The following RPS6KA5 variants were observed in gnomAD, a reference collection of about 807,000 sequenced individuals.
The protein encoded by RPS6KA5 is ribosomal protein S6 kinase A5.
In RPS6KA5, 27 loss-of-function variants were observed where a neutral mutation model predicts 85.5. The observed-to-expected ratio is 0.32, with a 90% CI of 0.23 to 0.44. The LOEUF (loss-of-function observed/expected upper bound fraction) is 0.44, where lower values mean the gene tolerates loss of function less well. Among genes scored for constraint, RPS6KA5 ranks in the 20% least tolerant of loss-of-function variants. The pLI, the probability that RPS6KA5 is intolerant of heterozygous loss-of-function variation, is 1.00. For missense variants in RPS6KA5, 811 were observed against 980.9 expected (o/e 0.83, Z 2.31); for synonymous variants, 334 against 348.2 (o/e 0.96, Z 0.46).
Position 90,943,144 on chromosome 14 carries a change from T to C in RPS6KA5, c.552A>G (p.Leu184=), listed in dbSNP as rs761646046. 4.3e-6 allele frequency: 7 copies of C among 1,611,944 alleles called. No homozygotes were observed. The highest frequency in any genetic ancestry group is 2.2e-5 in the South Asian group (2 of 90,912). The stretch of plus-strand genomic sequence containing the variant: ...GCACCACATGGCCATTAGAATCAAG[T>C]AGAATATTCTCAAGCTTAATATCAC... ...IYRDIKLENI[L]LDSNGHVVLT... Residue 184 remains leucine (L), a synonymous_variant, in exon 5 of 17, where the codon CTA becomes CTG. Coordinates refer to ENST00000614987, the MANE Select transcript of RPS6KA5 (RefSeq NM_004755.4).
At chr14:91,032,787 GA>G (rs34722618) in intron 1 of RPS6KA5, among the ~76,000 whole-genome samples, 93,224 of 148,532 alleles carry the variant, frequency 0.63, 29,105 homozygotes, top group East Asian at 0.87. Context: ...AGAATTCATA[GA>G]AAAAAAAAAA....
At chr14:90,927,915 T>TTC (rs1311271864) in intron 5 of RPS6KA5, among the ~76,000 whole-genome samples, 55 of 127,348 alleles carry the variant, frequency 4.3e-4, no homozygotes, top group Middle Eastern at 4.0e-3. Context: ...TATGTCTTTT[T>TTC]TCTCTTTCTT....
chr14:90,895,662 G>T (rs1044139109), intron 12 of RPS6KA5, among the ~76,000 whole-genome samples: 2 of 152,204 alleles, frequency 1.3e-5, no homozygotes, highest in African/African-American at 4.8e-5. Context: ...AGGGTGAGAG[G>T]ACTGCTTGAG....
At chr14:90,923,927 C>T (rs558700812) in intron 5 of RPS6KA5, among the ~76,000 whole-genome samples, 1 of 152,022 alleles carries the variant, frequency 6.6e-6, no homozygotes, top group Non-Finnish European at 1.5e-5. Flanking sequence ...TTACGTAGCT[C>T]ATTTATTATC....
intron 13 of RPS6KA5, 34 bp from the exon 14 acceptor site, chr14:90,890,712 C>A: frequency 6.4e-7 from 1 of 1,558,656 alleles, no homozygotes; most frequent in Non-Finnish European, 8.8e-7. Context: ...TAGTTTCTCA[C>A]TAGGCATGTC....
chr14:90,889,122 C>A (rs1174628160), intron 14 of RPS6KA5, among the ~76,000 whole-genome samples: 1 of 151,894 alleles, frequency 6.6e-6, no homozygotes, highest in Non-Finnish European at 1.5e-5. Context: ...GGTAAAACCT[C>A]GTCTCTACTA....
rs60988228 is a variant in RPS6KA5 at position 90,944,967 on chromosome 14, A to C, written c.511-1782T>G. Among the ~76,000 whole-genome samples, 1,209 of 150,392 alleles carry C rather than the reference A, an allele frequency of 8.0e-3. 11 individuals carry two copies. The highest frequency in any genetic ancestry group is 0.028 in the African/African-American group (1,137 of 40,798). On this transcript the variant is annotated intron_variant, in intron 4 of 16. Transcript: ENST00000614987. ...TTTTTTTAAAAGAACAGAATAAAAAACGGACAAGTGTGGGTGGCCCATGCC... is the reference window on the plus strand; with the variant it reads ...TTTTTTTAAAAGAACAGAATAAAAACCGGACAAGTGTGGGTGGCCCATGCC...
intron 1 of RPS6KA5, among the ~76,000 whole-genome samples, chr14:91,040,396 G>C (rs375586466): frequency 6.6e-6 from 1 of 152,086 alleles, no homozygotes; most frequent in South Asian, 2.1e-4. Context: ...CAACAAGAGC[G>C]AAAGTCCGCC....
rs765224867 is a variant in RPS6KA5, at chr14:91,060,383, C to G, written c.52G>C (p.Gly18Arg). Residue 18 changes from glycine to arginine, a missense_variant, in exon 1 of 17, where the codon GGC becomes CGC. Physicochemically the swap from Gly to Arg is moderately radical, Grantham distance 125. Around this residue, in one of 3 missense-constraint regions of RPS6KA5, gnomAD observed 113 missense variants for 100.0 expected, o/e 1.13. Transcript: ENST00000614987. ...AGGAGCTGCTCTCCTCCGTCGCCGC[C>G]GTCCGCGCTGGTCCCCGCGGCGCCG... ...SGGAAGTSAD[G>R]GDGGEQLLTV... The G allele has an allele frequency of 6.7e-5, 101 of 1,508,874 alleles. No individual in the cohort carries two copies. The highest frequency in any genetic ancestry group is 8.1e-5 in the Non-Finnish European group (91 of 1,123,100). 93.5% of individuals were successfully genotyped at this position (1,508,874 alleles called of 1,614,324 possible).
In RPS6KA5 at chr14:90,859,390, C is replaced by T. The variant is rs2032433269; in HGVS notation, c.*12684G>A. The T allele has an allele frequency of 1.3e-5, 2 of 152,096 alleles. No homozygotes were observed. The highest frequency in any genetic ancestry group is 1.3e-4 in the Admixed American group (2 of 15,276). 9.4% of individuals were successfully genotyped at this position (152,096 alleles called of 1,614,324 possible). A position where few individuals can be genotyped will look rare whatever the true frequency, so the allele number is the denominator to read the frequency against. On this transcript the variant is annotated 3_prime_UTR_variant, in exon 17 of 17. Coordinates refer to ENST00000614987, the MANE Select transcript of RPS6KA5 (RefSeq NM_004755.4). ...ACTGACAACAGACAATGGAAACAAA[C>T]AACTAGTAGTAGTAATCAGACACTG...
chr14:90,946,779 AC>A (rs2037891922), intron 4 of RPS6KA5, among the ~76,000 whole-genome samples: 1 of 152,346 alleles, frequency 6.6e-6, no homozygotes, highest in South Asian at 2.1e-4. Flanking sequence ...ATTAAGTAAA[AC>A]AAAAAACCGA....
chr14:91,050,047 G>A (rs1022652735), intron 1 of RPS6KA5, among the ~76,000 whole-genome samples: 1 of 152,152 alleles, frequency 6.6e-6, no homozygotes, highest in Non-Finnish European at 1.5e-5. Context: ...AGTATAAAAA[G>A]GAGAGCTGCA....
At chr14:91,028,754 G>A (rs549918006) in intron 1 of RPS6KA5, among the ~76,000 whole-genome samples, 1 of 151,818 alleles carries the variant, frequency 6.6e-6, no homozygotes, top group Non-Finnish European at 1.5e-5. Context: ...TCCTGACCTC[G>A]TGATCTGCCC....
chr14:91,044,351 GAA>G (rs2042740151), intron 1 of RPS6KA5, among the ~76,000 whole-genome samples: 8 of 34,812 alleles, frequency 2.3e-4, no homozygotes, highest in African/African-American at 3.4e-4. Context: ...AAGAAAGAAA[GAA>G]AGAAAGAAAG....
Position 90,906,129 on chromosome 14 carries a change from T to G in RPS6KA5, c.957+20A>C. 1 of 1,579,536 alleles carries G rather than the reference T, an allele frequency of 6.3e-7. No individual in the cohort carries two copies. Among genetic ancestry groups the G allele is most frequent in the Non-Finnish European group, 8.7e-7 (1 of 1,155,276 alleles). On this transcript the variant is annotated intron_variant, in intron 8 of 16. Coordinates refer to ENST00000614987, the MANE Select transcript of RPS6KA5 (RefSeq NM_004755.4). ...AAACGGCAAGGAGTATGAAACCATTTATCTATTCAATAATTTCACCTGAAA... is the reference window on the plus strand; with the variant it reads ...AAACGGCAAGGAGTATGAAACCATTGATCTATTCAATAATTTCACCTGAAA...
chr14:90,875,891 G>A (rs1416440697), intron 14 of RPS6KA5, among the ~76,000 whole-genome samples: 4 of 132,526 alleles, frequency 3.0e-5, no homozygotes. Flanking sequence ...ATCACACACC[G>A]GGGACTGTTG....
At position 91,060,344 on chromosome 14, in the gene RPS6KA5, C is replaced by G; in HGVS notation, c.91G>C (p.Glu31Gln). 7.0e-7 allele frequency: 1 copy of G among 1,420,620 alleles called. No homozygotes were observed. The highest frequency in any genetic ancestry group is 9.3e-7 in the Non-Finnish European group (1 of 1,076,720). 88.0% of individuals were successfully genotyped at this position (1,420,620 alleles called of 1,614,324 possible). A position where few individuals can be genotyped will look rare whatever the true frequency, so the allele number is the denominator to read the frequency against. The change falls in exon 1 of 17, where the codon GAG becomes CAG. Residue 31 changes from glutamate to glutamine, a missense_variant. Glu to Gln is a conservative substitution (Grantham distance 29, BLOSUM62 2). Transcript: ENST00000614987. ...CGGGGTCGCTCACCAGTCCGCAGCT[C>G]GTGCTTGACAGTGAGGAGCTGCTCT... ...GGEQLLTVKHELRTANLTGHA... is the reference protein window; with the variant it reads ...GGEQLLTVKHQLRTANLTGHA...
Position 90,902,771 on chromosome 14 carries a change from T to C in RPS6KA5, c.1119+37A>G, listed in dbSNP as rs1333892640. On this transcript the variant is annotated intron_variant, in intron 9 of 16. Coordinates refer to ENST00000614987, the MANE Select transcript of RPS6KA5 (RefSeq NM_004755.4). ...ATTTAATCTTTTCTTTCAAAGGACA[T>C]ATGGCCAATGTGCATGTGCACAGGA... 3.2e-6 allele frequency: 5 copies of C among 1,580,228 alleles called. No individual in the cohort carries two copies. In the African/African-American group the frequency reaches 4.1e-5, roughly 13 times the overall value.
At chr14:90,993,316 T>C (rs190026087) in intron 2 of RPS6KA5, among the ~76,000 whole-genome samples, 1 of 152,298 alleles carries the variant, frequency 6.6e-6, no homozygotes, top group African/African-American at 2.4e-5. Flanking sequence ...GGCATGAGCC[T>C]GTAGTCCCAG....
Sources: allele counts gnomAD v4.1 joint callset (sites outside exome capture counted in the v4.1 genomes callset), GRCh38; gene constraint gnomAD v4.1.1; regional missense constraint gnomAD v4.1.1; transcripts MANE v1.5; gene names NCBI Gene and HGNC (gene_info 2026-07-23, HGNC 2026-07-21).